The following POMP variants were observed in gnomAD, a reference collection of about 807,000 sequenced individuals.
POMP encodes the protein 2510048O06Rik.
In POMP, 12 loss-of-function variants were observed where a neutral mutation model predicts 20.6. That is an observed-to-expected ratio of 0.58 (90% CI 0.37 to 0.94). The LOEUF (loss-of-function observed/expected upper bound fraction) is 0.94. Among genes scored for constraint, POMP ranks in the 40% least tolerant of loss-of-function variants. The probability of loss-of-function intolerance (pLI) is 0.01; values close to 1 mark genes in which losing one functional copy is unlikely to be tolerated. For missense variants in POMP, 136 were observed against 161.1 expected (o/e 0.84, Z 0.84); for synonymous variants, 53 against 55.0 (o/e 0.96, Z 0.16).
At chr13:28,675,960 TC>T (rs1442422181) in intron 5 of POMP, among the ~76,000 whole-genome samples, 3 of 152,128 alleles carry the variant, frequency 2.0e-5, no homozygotes, top group African/African-American at 7.2e-5. Context: ...CATGAAGTGT[TC>T]AACTCTGTGG....
rs745544369 is a variant in POMP, at chr13:28,678,117, T to C, written c.*15T>C. ...GTTTACTGTAATAGTGTGCTGTTCA[T>C]GGAAACCGAGGGCTGCATCTTGTTT... On this transcript the variant is annotated 3_prime_UTR_variant, in exon 6 of 6. Transcript: ENST00000380842. 5 of 1,610,094 alleles carry C rather than the reference T, an allele frequency of 3.1e-6. No individual in the cohort carries two copies. The highest frequency in any genetic ancestry group is 1.1e-5 in the South Asian group (1 of 90,982).
rs1884676793 is a variant in POMP, at chr13:28,678,898, T to C, written c.*796T>C. 1 of 152,224 alleles carries C rather than the reference T, an allele frequency of 6.6e-6. No homozygotes were observed. The highest frequency in any genetic ancestry group is 2.4e-5 in the African/African-American group (1 of 41,458). 9.4% of individuals were successfully genotyped at this position (152,224 alleles called of 1,614,324 possible). On this transcript the variant is annotated 3_prime_UTR_variant, in exon 6 of 6. Coordinates refer to ENST00000380842, the MANE Select transcript of POMP (RefSeq NM_015932.6). Reference sequence around the variant, plus strand: ...ATGGATCATCTTTTACAATTAAAAGTATATTTTGATTATCAGTTTCTTAGG... The same window carrying C: ...ATGGATCATCTTTTACAATTAAAAGCATATTTTGATTATCAGTTTCTTAGG...
chr13:28,665,125 G>A (rs1884418562), intron 3 of POMP, among the ~76,000 whole-genome samples: 1 of 152,186 alleles, frequency 6.6e-6, no homozygotes, highest in South Asian at 2.1e-4. Flanking sequence ...CTTTATAGAA[G>A]AGGAGGGACC....
Position 28,678,169 on chromosome 13 carries a change from T to G in POMP, c.*67T>G. On this transcript the variant is annotated 3_prime_UTR_variant, in exon 6 of 6. Transcript: ENST00000380842. ...TAGTCATCTTTGTACTGTAATTTGATGTACACAACATTAAAAGTACTGACA... is the reference window on the plus strand; with the variant it reads ...TAGTCATCTTTGTACTGTAATTTGAGGTACACAACATTAAAAGTACTGACA... 2.1e-6 allele frequency: 3 copies of G among 1,442,464 alleles called. No homozygotes were observed. The highest frequency in any genetic ancestry group is 2.9e-6 in the Non-Finnish European group (3 of 1,024,562). The allele number at this position is 1,442,464 out of a possible 1,614,324, so 89.4% of individuals were successfully genotyped here.
intron 4 of POMP, among the ~76,000 whole-genome samples, chr13:28,671,040 T>TC (rs1302050562): frequency 6.6e-6 from 1 of 152,026 alleles, no homozygotes; most frequent in African/African-American, 2.4e-5. Flanking sequence ...AGAGCAAAAC[T>TC]CCATCTCCAA....
At chr13:28,661,150 G>T (rs1291311797) in intron 1 of POMP, among the ~76,000 whole-genome samples, 1 of 152,136 alleles carries the variant, frequency 6.6e-6, no homozygotes, top group Non-Finnish European at 1.5e-5. Context: ...TATTGGACTT[G>T]AGCAACAAGT....
At chr13:28,668,636 C>T (rs1295719838) in intron 4 of POMP, 62 bp downstream of exon 4, 6 of 1,281,560 alleles carry the variant, frequency 4.7e-6, no homozygotes, top group Non-Finnish European at 6.8e-6. Flanking sequence ...CTTCTGTTTT[C>T]ATAACAGCTA....
At chr13:28,674,993 C>T (rs141662181) in intron 5 of POMP, among the ~76,000 whole-genome samples, 8 of 152,158 alleles carry the variant, frequency 5.3e-5, no homozygotes, top group African/African-American at 1.9e-4. Flanking sequence ...GAGCAGGGAT[C>T]ACACCAGTGT....
intron 3 of POMP, 152 bp downstream of exon 3, chr13:28,664,721 A>G: frequency 3.5e-6 from 2 of 578,210 alleles, no homozygotes; most frequent in Non-Finnish European, 3.1e-6. Flanking sequence ...GGATAGACTT[A>G]AAAATTACAC....
At chr13:28,666,378 C>A (rs1043100221) in intron 3 of POMP, among the ~76,000 whole-genome samples, 17 of 152,176 alleles carry the variant, frequency 1.1e-4, no homozygotes, top group African/African-American at 3.1e-4. Context: ...GTGTATTAGT[C>A]TGGCTATTAG....
intron 1 of POMP, among the ~76,000 whole-genome samples, chr13:28,660,762 C>A (rs982580136): frequency 2.6e-5 from 4 of 152,162 alleles, no homozygotes; most frequent in Non-Finnish European, 5.9e-5. Context: ...TATGCAGGTT[C>A]TTTAGGTCCA....
chr13:28,674,870 T>C (rs985204275), intron 5 of POMP, among the ~76,000 whole-genome samples: 1 of 151,824 alleles, frequency 6.6e-6, no homozygotes, highest in Non-Finnish European at 1.5e-5. Flanking sequence ...ACCCTGTCTC[T>C]ACAATTTTTT....
At chr13:28,671,433 G>A (rs1474778008) in intron 4 of POMP, among the ~76,000 whole-genome samples, 4 of 147,484 alleles carry the variant, frequency 2.7e-5, no homozygotes, top group African/African-American at 1.0e-4. Flanking sequence ...AAATATCTTT[G>A]CCCAGAATTC....
At position 28,678,114 on chromosome 13, in the gene POMP, T is replaced by G. The variant is rs1195886915; in HGVS notation, c.*12T>G. On this transcript the variant is annotated 3_prime_UTR_variant, in exon 6 of 6. Coordinates refer to ENST00000380842, the MANE Select transcript of POMP (RefSeq NM_015932.6). ...TTGGTTTACTGTAATAGTGTGCTGT[T>G]CATGGAAACCGAGGGCTGCATCTTG... is the stretch of plus-strand genomic sequence containing the variant. 1 of 1,611,098 alleles carries G rather than the reference T, an allele frequency of 6.2e-7. No homozygotes were observed. The highest frequency in any genetic ancestry group is 8.5e-7 in the Non-Finnish European group (1 of 1,177,386).
chr13:28,669,274 C>T (rs963397846), intron 4 of POMP, among the ~76,000 whole-genome samples: 1 of 152,146 alleles, frequency 6.6e-6, no homozygotes, highest in African/African-American at 2.4e-5. Context: ...GAAACTGCTC[C>T]TGAACAATGT....
At chr13:28,663,457 T>G (rs1468702988) in intron 2 of POMP, among the ~76,000 whole-genome samples, 1 of 152,126 alleles carries the variant, frequency 6.6e-6, no homozygotes, top group Admixed American at 6.6e-5. Context: ...ATTACAGGCA[T>G]GTGCCACCAT....
chr13:28,663,302 AT>A (rs951745046), intron 2 of POMP, among the ~76,000 whole-genome samples: 46 of 151,876 alleles, frequency 3.0e-4, no homozygotes, highest in African/African-American at 1.1e-3. Context: ...ATTTACTCTT[AT>A]TTTTTGTTTA....
chr13:28,672,868 G>C (rs1457703519), intron 5 of POMP, among the ~76,000 whole-genome samples: 2 of 152,068 alleles, frequency 1.3e-5, no homozygotes, highest in African/African-American at 4.8e-5. Context: ...GATATTCCTA[G>C]GGTGACTTAA....
intron 2 of POMP, among the ~76,000 whole-genome samples, chr13:28,663,389 C>G (rs1053889354): frequency 6.6e-6 from 1 of 152,342 alleles, no homozygotes; most frequent in East Asian, 1.9e-4. Flanking sequence ...CCCCTCATCG[C>G]AGCCTCCGCC....
Sources: gnomAD v4.1 joint callset for allele counts (sites outside exome capture counted in the v4.1 genomes callset) on GRCh38, gnomAD v4.1.1 for gene constraint, MANE v1.5 for transcripts, NCBI Gene and HGNC (gene_info 2026-07-23, HGNC 2026-07-21) for gene names.